TMEM191C: variants seen among roughly 807,000 people sequenced by gnomAD.
TMEM191C encodes the protein KB-1323B2.6.
A neutral mutation model predicts 37.1 loss-of-function variants in TMEM191C; 26 were observed. That is an observed-to-expected ratio of 0.70 (90% CI 0.51 to 0.97). TMEM191C has a LOEUF of 0.97. Ranked by LOEUF, TMEM191C falls within the 50% of genes least tolerant of loss-of-function variation. The pLI is 0.00. For synonymous variants in TMEM191C, 115 were observed against 143.7 expected (o/e 0.80, Z 1.43); for missense variants, 240 against 294.7 (o/e 0.81, Z 1.36).
In TMEM191C at chr22:21,469,529, C is replaced by T; in HGVS notation, c.699C>T (p.Ala233=). ...TRLFGGPRAL[A]IRRCVLGALQ... is the part of the protein sequence containing the mutation. ...TGTTCGGCGGCCCTCGCGCGCTGGC[C>T]ATCAGGTGAGCCGGGCGGTGGGCGC... is the stretch of plus-strand genomic sequence containing the variant. Residue 233 remains alanine (A), a synonymous_variant, in exon 9 of 10, where the codon GCC becomes GCT. Transcript: ENST00000536718. The T allele has an allele frequency of 7.3e-7, 1 of 1,368,988 alleles. No individual in the cohort carries two copies. The highest frequency in any genetic ancestry group is 9.3e-7 in the Non-Finnish European group (1 of 1,070,798). The allele number at this position is 1,368,988 out of a possible 1,614,324, so 84.8% of individuals were successfully genotyped here.
chr22:21,469,420 C>G, intron 8 of TMEM191C, 74 bp downstream of exon 8: 1 of 1,311,098 alleles, frequency 7.6e-7, no homozygotes. Context: ...GCGGTACCGC[C>G]TCCCCCTCCT....
Position 21,467,574 on chromosome 22 carries a change from C to G in TMEM191C, c.115C>G (p.Leu39Val), listed in dbSNP as rs1206036198. ...MRGLEAESES[L>V]NQRLQDLSER... ...CGGGCTCGAGGCCGAGAGCGAGAGC[C>G]TCAACCAGCGCCTGCAGGACCTGAG... is the stretch of plus-strand genomic sequence containing the variant. The change falls in exon 1 of 10, where the codon CTC becomes GTC. Residue 39 changes from leucine to valine, a missense_variant. Leu to Val is a conservative substitution (Grantham distance 32, BLOSUM62 1). This residue lies in a region of TMEM191C where 130 missense variants were observed against 105.7 expected (regional missense o/e 1.23). Transcript: ENST00000536718. The G allele has an allele frequency of 4.6e-6, 7 of 1,529,870 alleles. No homozygotes were observed. The highest frequency in any genetic ancestry group is 6.1e-6 in the Non-Finnish European group (7 of 1,145,104). 94.8% of individuals were successfully genotyped at this position (1,529,870 alleles called of 1,614,324 possible). A position where few individuals can be genotyped will look rare whatever the true frequency, so the allele number is the denominator to read the frequency against.
Position 21,468,178 on chromosome 22 carries a change from G to C in TMEM191C, c.306G>C (p.Glu102Asp). The change falls in exon 3 of 10, where the codon GAG becomes GAC. Residue 102 changes from glutamate to aspartate, a missense_variant. This residue lies in a region of TMEM191C where 130 missense variants were observed against 105.7 expected (regional missense o/e 1.23). Transcript: ENST00000536718. The stretch of plus-strand genomic sequence containing the variant: ...AGCAGCACAGCAGGCAGCTGCAGGA[G>C]CAGTGGGAGGAGCTGTCGAGTCAGG... Reference protein sequence around the residue: ...YLEQHSRQLQEQWEELSSQLF... With the variant: ...YLEQHSRQLQDQWEELSSQLF... The C allele has an allele frequency of 6.6e-7, 1 of 1,520,956 alleles. No individual in the cohort carries two copies. The highest frequency in any genetic ancestry group is 8.8e-7 in the Non-Finnish European group (1 of 1,142,100). The allele number at this position is 1,520,956 out of a possible 1,614,324, so 94.2% of individuals were successfully genotyped here. A position where few individuals can be genotyped will look rare whatever the true frequency, so the allele number is the denominator to read the frequency against.
chr22:21,468,482 A>G, intron 4 of TMEM191C, 51 bp downstream of exon 4: 1 of 1,213,814 alleles, frequency 8.2e-7, no homozygotes, highest in African/African-American at 2.0e-5. Flanking sequence ...CAGCAGCATG[A>G]GCTGGGCCGT....
chr22:21,468,017 G>C lies in TMEM191C; in HGVS notation c.279G>C (p.Leu93Phe). 5 of 533,066 alleles carry C rather than the reference G, an allele frequency of 9.4e-6. No individual in the cohort carries two copies. The highest frequency in any genetic ancestry group is 1.6e-5 in the Non-Finnish European group (5 of 303,350). The allele number at this position is 533,066 out of a possible 1,614,324, so 33.0% of individuals were successfully genotyped here. A position where few individuals can be genotyped will look rare whatever the true frequency, so the allele number is the denominator to read the frequency against. The change falls in exon 2 of 10, where the codon TTG becomes TTC. Residue 93 changes from leucine to phenylalanine, a missense_variant and splice_region_variant. Leu to Phe is a conservative substitution (Grantham distance 22). Transcript: ENST00000536718. Reference sequence around the variant, plus strand: ...AGGCGGAGCGCCACAAGGAGTACTTGGTGAGGAAGAGTCCTGGAATGGGGC... The same window carrying C: ...AGGCGGAGCGCCACAAGGAGTACTTCGTGAGGAAGAGTCCTGGAATGGGGC... ...LEEAERHKEY[L>F]EQHSRQLQEQ...
At chr22:21,468,557 G>C (rs1358648388) in intron 4 of TMEM191C, 126 bp downstream of exon 4, 3 of 722,702 alleles carry the variant, frequency 4.2e-6, no homozygotes, top group African/African-American at 2.5e-5. Context: ...AATGTGGGCG[G>C]AGCACAATCG....
Position 21,469,528 on chromosome 22 carries a change from C to T in TMEM191C, c.698C>T (p.Ala233Val). ...TRLFGGPRAL[A>V]IRRCVLGALQ... ...CTGTTCGGCGGCCCTCGCGCGCTGGCCATCAGGTGAGCCGGGCGGTGGGCG... is the reference window on the plus strand; with the variant it reads ...CTGTTCGGCGGCCCTCGCGCGCTGGTCATCAGGTGAGCCGGGCGGTGGGCG... The change falls in exon 9 of 10, where the codon GCC becomes GTC. Residue 233 changes from alanine (A) to valine (V), a missense_variant. Around this residue, in one of 3 missense-constraint regions of TMEM191C, gnomAD observed 76 missense variants for 100.0 expected, o/e 0.76. Coordinates refer to ENST00000536718, the MANE Select transcript of TMEM191C (RefSeq NM_001388354.1). The T allele has an allele frequency of 7.3e-7, 1 of 1,367,304 alleles. No homozygotes were observed. The highest frequency in any genetic ancestry group is 9.3e-7 in the Non-Finnish European group (1 of 1,069,524). The allele number at this position is 1,367,304 out of a possible 1,614,324, so 84.7% of individuals were successfully genotyped here. A position where few individuals can be genotyped will look rare whatever the true frequency, so the allele number is the denominator to read the frequency against.
chr22:21,467,684 C>T (rs1924571376), intron 1 of TMEM191C, 70 bp downstream of exon 1: 1 of 733,132 alleles, frequency 1.4e-6, no homozygotes, highest in Non-Finnish European at 2.2e-6. Context: ...CCGCGAGGTG[C>T]TTCGCAGAGT....
chr22:21,467,590 A>G lies in TMEM191C; in HGVS notation c.131A>G (p.Gln44Arg), dbSNP rs1181371331. 10 of 1,530,320 alleles carry G rather than the reference A, an allele frequency of 6.5e-6. No individual in the cohort carries two copies. The highest frequency in any genetic ancestry group is 2.4e-5 in the South Asian group (2 of 83,644). 94.8% of individuals were successfully genotyped at this position (1,530,320 alleles called of 1,614,324 possible). A position where few individuals can be genotyped will look rare whatever the true frequency, so the allele number is the denominator to read the frequency against. The part of the protein sequence containing the change: ...AESESLNQRL[Q>R]DLSERERSLL... ...AGCGAGAGCCTCAACCAGCGCCTGC[A>G]GGACCTGAGCGAGCGGGAGCGGAGG... The change falls in exon 1 of 10, where the codon CAG (glutamine) becomes CGG (arginine). Residue 44 changes from glutamine to arginine, a missense_variant. This residue lies in a region of TMEM191C where 130 missense variants were observed against 105.7 expected (regional missense o/e 1.23). Coordinates refer to ENST00000536718, the MANE Select transcript of TMEM191C (RefSeq NM_001388354.1).
chr22:21,468,369 G>A lies in TMEM191C; in HGVS notation c.346G>A (p.Gly116Arg). 6.5e-7 allele frequency: 1 copy of A among 1,535,258 alleles called. No homozygotes were observed. Among genetic ancestry groups the A allele is most frequent in the Non-Finnish European group, 8.7e-7 (1 of 1,146,714 alleles). Residue 116 changes from glycine (G) to arginine (R), a missense_variant, in exon 4 of 10, where the codon GGG becomes AGG. Coordinates refer to ENST00000536718, the MANE Select transcript of TMEM191C (RefSeq NM_001388354.1). ...CCGCCCCTAGCTCTTCTACTACGGA[G>A]GGGAACTGCAGAGCCAGAAGAGCAC... ...ELSSQLFYYG[G>R]ELQSQKSTEQ...
chr22:21,467,570 G>A lies in TMEM191C; in HGVS notation c.111G>A (p.Glu37=). 1.3e-6 allele frequency: 2 copies of A among 1,529,564 alleles called. No homozygotes were observed. The highest frequency in any genetic ancestry group is 1.7e-6 in the Non-Finnish European group (2 of 1,144,958). 94.7% of individuals were successfully genotyped at this position (1,529,564 alleles called of 1,614,324 possible). The stretch of plus-strand genomic sequence containing the variant: ...TGCGCGGGCTCGAGGCCGAGAGCGA[G>A]AGCCTCAACCAGCGCCTGCAGGACC... The part of the protein sequence containing the change: ...KLMRGLEAES[E]SLNQRLQDLS... Residue 37 remains glutamate, a synonymous_variant, in exon 1 of 10, where the codon GAG becomes GAA. Transcript: ENST00000536718.
chr22:21,469,782 G>C lies in TMEM191C; in HGVS notation c.870G>C (p.Pro290=). 1 of 1,532,172 alleles carries C rather than the reference G, an allele frequency of 6.5e-7. No individual in the cohort carries two copies. Among genetic ancestry groups the C allele is most frequent in the Non-Finnish European group, 8.7e-7 (1 of 1,146,246 alleles). The allele number at this position is 1,532,172 out of a possible 1,614,324, so 94.9% of individuals were successfully genotyped here. ...TLRRLRYTLS[P]LLELRANGLL... ...GCCGCCTGCGCTACACGCTGTCCCC[G>C]CTGCTGGAGCTGCGCGCTAACGGGC... is the stretch of plus-strand genomic sequence containing the variant. Residue 290 remains proline, a synonymous_variant, in exon 10 of 10, where the codon CCG becomes CCC. Coordinates refer to ENST00000536718, the MANE Select transcript of TMEM191C (RefSeq NM_001388354.1).
In TMEM191C at chr22:21,467,944, G is replaced by A; in HGVS notation, c.206G>A (p.Arg69His). Residue 69 changes from arginine (R) to histidine (H), a missense_variant, in exon 2 of 10, where the codon CGC (arginine) becomes CAC (histidine). Coordinates refer to ENST00000536718, the MANE Select transcript of TMEM191C (RefSeq NM_001388354.1). ...GCGCAGCCTCTGCAAGGGGAGGCGC[G>A]CGAGGCGGCGCGGGAGCGCGCGGAG... The part of the protein sequence containing the change: ...QAAQPLQGEA[R>H]EAARERAERV... 1.7e-6 allele frequency: 1 copy of A among 584,680 alleles called. No homozygotes were observed. Among genetic ancestry groups the A allele is most frequent in the Non-Finnish European group, 2.9e-6 (1 of 349,842 alleles). The allele number at this position is 584,680 out of a possible 1,614,324, so 36.2% of individuals were successfully genotyped here.
At position 21,468,000 on chromosome 22, in the gene TMEM191C, C is replaced by A. The variant is rs563492116; in HGVS notation, c.262C>A (p.Arg88Ser). The A allele has an allele frequency of 3.7e-4, 187 of 506,340 alleles. 2 individuals carry two copies. The East Asian group carries it at 5.4e-3, about 15-fold the overall frequency. 31.4% of individuals were successfully genotyped at this position (506,340 alleles called of 1,614,324 possible). ...RVRRRLEEAERHKEYLEQHSR... is the reference protein window; with the variant it reads ...RVRRRLEEAESHKEYLEQHSR... ...GCGCAGAAGACTGGAGGAGGCGGAGCGCCACAAGGAGTACTTGGTGAGGAA... is the reference window on the plus strand; with the variant it reads ...GCGCAGAAGACTGGAGGAGGCGGAGAGCCACAAGGAGTACTTGGTGAGGAA... Residue 88 changes from arginine (R) to serine (S), a missense_variant, in exon 2 of 10, where the codon CGC (arginine) becomes AGC (serine). This residue lies in a region of TMEM191C where 130 missense variants were observed against 105.7 expected (regional missense o/e 1.23). Coordinates refer to ENST00000536718, the MANE Select transcript of TMEM191C (RefSeq NM_001388354.1).
intron 4 of TMEM191C, 75 bp downstream of exon 4, chr22:21,468,506 T>A: frequency 4.2e-6 from 4 of 958,648 alleles, no homozygotes; most frequent in Non-Finnish European, 4.3e-6. Context: ...CACCTGGGGG[T>A]GTGGCTTAAG....
intron 9 of TMEM191C, 21 bp downstream of exon 9, chr22:21,469,555 G>A: frequency 2.9e-6 from 4 of 1,397,258 alleles, no homozygotes; most frequent in Non-Finnish European, 3.7e-6. Context: ...CGGTGGGCGC[G>A]GCCGCGGTCC....
chr22:21,467,564 G>A lies in TMEM191C; in HGVS notation c.105G>A (p.Glu35=). ...AGCTGATGCGCGGGCTCGAGGCCGA[G>A]AGCGAGAGCCTCAACCAGCGCCTGC... is the stretch of plus-strand genomic sequence containing the variant. ...LEKLMRGLEA[E]SESLNQRLQD... The change falls in exon 1 of 10, where the codon GAG becomes GAA. Residue 35 remains glutamate (E), a synonymous_variant. Coordinates refer to ENST00000536718, the MANE Select transcript of TMEM191C (RefSeq NM_001388354.1). 8 of 1,526,092 alleles carry A rather than the reference G, an allele frequency of 5.2e-6. No individual in the cohort carries two copies. The highest frequency in any genetic ancestry group is 7.0e-6 in the Non-Finnish European group (8 of 1,143,076). The allele number at this position is 1,526,092 out of a possible 1,614,324, so 94.5% of individuals were successfully genotyped here.
At position 21,467,450 on chromosome 22, in the gene TMEM191C, C is replaced by G; in HGVS notation, c.-10C>G. On this transcript the variant is annotated 5_prime_UTR_variant, in exon 1 of 10. Coordinates refer to ENST00000536718, the MANE Select transcript of TMEM191C (RefSeq NM_001388354.1). Reference sequence around the variant, plus strand: ...GAGGCGGGCGGCATTTAGGCTCGGTCTCCACAGCCATGGCCGCGACGCAGG... The same window carrying G: ...GAGGCGGGCGGCATTTAGGCTCGGTGTCCACAGCCATGGCCGCGACGCAGG... 1 of 450,518 alleles carries G rather than the reference C, an allele frequency of 2.2e-6. No individual in the cohort carries two copies. The highest frequency in any genetic ancestry group is 3.7e-6 in the Non-Finnish European group (1 of 267,252). 27.9% of individuals were successfully genotyped at this position (450,518 alleles called of 1,614,324 possible).
In TMEM191C at chr22:21,469,469, T is replaced by C; in HGVS notation, c.664-25T>C. The C allele has an allele frequency of 4.5e-6, 6 of 1,346,648 alleles. No individual in the cohort carries two copies. In the Admixed American group the frequency reaches 2.0e-4, roughly 44 times the overall value. The allele number at this position is 1,346,648 out of a possible 1,614,324, so 83.4% of individuals were successfully genotyped here. A position where few individuals can be genotyped will look rare whatever the true frequency, so the allele number is the denominator to read the frequency against. On this transcript the variant is annotated intron_variant, in intron 8 of 9. Coordinates refer to ENST00000536718, the MANE Select transcript of TMEM191C (RefSeq NM_001388354.1). Reference sequence around the variant, plus strand: ...CCGGCGCCGCGGGCGCGGAGGTAGCTGGATGCGGCCCTCTCTCCCCGCAGG... The same window carrying C: ...CCGGCGCCGCGGGCGCGGAGGTAGCCGGATGCGGCCCTCTCTCCCCGCAGG...
Sources: gnomAD v4.1 joint callset for allele counts on GRCh38, gnomAD v4.1.1 for gene constraint, gnomAD v4.1.1 regional missense constraint, MANE v1.5 for transcripts, NCBI Gene and HGNC (gene_info 2026-07-23, HGNC 2026-07-21) for gene names.